The following DCLK1 variants were observed in gnomAD, a reference collection of about 807,000 sequenced individuals.
The protein encoded by DCLK1 is doublecortin like kinase 1.
A neutral mutation model predicts 86.2 loss-of-function variants in DCLK1; 16 were observed. That is an observed-to-expected ratio of 0.19 (90% CI 0.13 to 0.28). The LOEUF (loss-of-function observed/expected upper bound fraction) is 0.28, where lower values mean the gene tolerates loss of function less well. DCLK1 is among the 10% of genes least tolerant of loss of function. The pLI is 1.00. For synonymous variants in DCLK1, 369 were observed against 370.5 expected, an observed-to-expected ratio of 1.00 and a Z score of 0.05; for missense variants, 590 against 940.2, an observed-to-expected ratio of 0.63 and a Z score of 4.87.
chr13:35,847,844 A>G, intron 6 of DCLK1: 1 of 985,224 alleles, frequency 1.0e-6, no homozygotes, highest in African/African-American at 1.7e-5. Context: ...AGAGAACCTG[A>G]CACTTCTTAA....
chr13:36,103,674 C>T (rs1054555830), intron 3 of DCLK1, among the ~76,000 whole-genome samples: 6 of 152,096 alleles, frequency 3.9e-5, no homozygotes, highest in Admixed American at 1.3e-4. Flanking sequence ...ATTTCTGAAA[C>T]AGACTTCTTT....
chr13:36,090,212 G>T (rs182715197), intron 3 of DCLK1, among the ~76,000 whole-genome samples: 137 of 152,274 alleles, frequency 9.0e-4, no homozygotes, highest in Admixed American at 4.4e-3. Flanking sequence ...AGTTTTCTTT[G>T]GGTCTGGACA....
chr13:36,072,808 A>T (rs1403753288), intron 3 of DCLK1, among the ~76,000 whole-genome samples: 3 of 152,224 alleles, frequency 2.0e-5, no homozygotes. Flanking sequence ...ACAAAACCAC[A>T]GTAGTTATTT....
At chr13:36,116,040 C>T (rs2138198319) in intron 2 of DCLK1, among the ~76,000 whole-genome samples, 1 of 151,848 alleles carries the variant, frequency 6.6e-6, no homozygotes, top group East Asian at 1.9e-4. Context: ...ACCTCTGCCT[C>T]CTGAGTCCAA....
intron 3 of DCLK1, among the ~76,000 whole-genome samples, chr13:35,969,760 CT>C (rs1878977320): frequency 6.6e-6 from 1 of 152,094 alleles, no homozygotes; most frequent in Non-Finnish European, 1.5e-5. Context: ...GAGATAAATG[CT>C]TGTGTTCCCC....
At chr13:36,050,655 A>C (rs76420219) in intron 3 of DCLK1, among the ~76,000 whole-genome samples, 1,965 of 152,268 alleles carry the variant, frequency 0.013, 47 homozygotes, top group African/African-American at 0.045. Flanking sequence ...CCTTTATACC[A>C]AAGGATTAAC....
chr13:35,905,183 C>T (rs913799869), intron 4 of DCLK1, among the ~76,000 whole-genome samples: 1 of 152,134 alleles, frequency 6.6e-6, no homozygotes, highest in African/African-American at 2.4e-5. Context: ...CTTATGTTGC[C>T]TTGTGGTTAG....
At chr13:36,114,284 G>A (rs752449485) in intron 2 of DCLK1, among the ~76,000 whole-genome samples, 6 of 152,202 alleles carry the variant, frequency 3.9e-5, no homozygotes, top group Non-Finnish European at 7.3e-5. Context: ...CTGAGAAGGC[G>A]TTGCTGGTTT....
intron 3 of DCLK1, among the ~76,000 whole-genome samples, chr13:35,994,741 C>T (rs910517719): frequency 6.6e-6 from 1 of 152,196 alleles, no homozygotes; most frequent in African/African-American, 2.4e-5. Context: ...ATTCAGTCTT[C>T]AAATGTCTGG....
At chr13:36,118,249 C>A (rs1449064976) in intron 2 of DCLK1, among the ~76,000 whole-genome samples, 2 of 152,016 alleles carry the variant, frequency 1.3e-5, no homozygotes, top group Non-Finnish European at 2.9e-5. Flanking sequence ...AGAGAGAAGT[C>A]CAGATATCAC....
At chr13:36,074,577 T>G (rs1196889209) in intron 3 of DCLK1, among the ~76,000 whole-genome samples, 1 of 149,138 alleles carries the variant, frequency 6.7e-6, no homozygotes, top group African/African-American at 2.5e-5. Flanking sequence ...TTATCCGTTG[T>G]TGAATAAATC....
chr13:35,981,169 C>G (rs1237679009), intron 3 of DCLK1, among the ~76,000 whole-genome samples: 2 of 151,788 alleles, frequency 1.3e-5, no homozygotes, highest in East Asian at 3.9e-4. Context: ...CAGTTCTTAA[C>G]CAGGGGTTGG....
intron 4 of DCLK1, among the ~76,000 whole-genome samples, chr13:35,918,876 T>C (rs991678315): frequency 6.7e-6 from 1 of 148,236 alleles, no homozygotes; most frequent in South Asian, 2.2e-4. Flanking sequence ...CAAAAAGAAA[T>C]CTTCCTTCTG....
intron 5 of DCLK1, among the ~76,000 whole-genome samples, chr13:35,868,115 C>T (rs1444834065): frequency 6.6e-6 from 1 of 150,958 alleles, no homozygotes; most frequent in African/African-American, 2.4e-5. Flanking sequence ...CTCCACCTCC[C>T]GGGTTCACGC....
intron 4 of DCLK1, among the ~76,000 whole-genome samples, chr13:35,902,546 A>C (rs1351797440): frequency 6.6e-6 from 1 of 152,216 alleles, no homozygotes; most frequent in Admixed American, 6.5e-5. Flanking sequence ...ATTGTGAGAA[A>C]GAGAAAAGGG....
At chr13:35,909,760 C>T (rs1294873789) in intron 4 of DCLK1, among the ~76,000 whole-genome samples, 1 of 151,706 alleles carries the variant, frequency 6.6e-6, no homozygotes, top group East Asian at 1.9e-4. Context: ...ATTCAGGGGA[C>T]AAGGAGGCAT....
intron 15 of DCLK1, among the ~76,000 whole-genome samples, chr13:35,804,256 G>C (rs1446879062): frequency 6.6e-6 from 1 of 150,710 alleles, no homozygotes; most frequent in Non-Finnish European, 1.5e-5. Context: ...TCAGCCTCCC[G>C]AGTAGCTGGG....
intron 16 of DCLK1, among the ~76,000 whole-genome samples, chr13:35,792,250 A>G (rs960399515): frequency 5.3e-5 from 8 of 152,202 alleles, no homozygotes; most frequent in African/African-American, 1.9e-4. Context: ...TGCAAACAGT[A>G]CGAGGGTGTG....
intron 4 of DCLK1, among the ~76,000 whole-genome samples, chr13:35,899,816 C>T (rs950658467): frequency 2.0e-5 from 3 of 151,974 alleles, no homozygotes; most frequent in Admixed American, 1.3e-4. Flanking sequence ...GAAAAAATGG[C>T]ACATATAAAT....
Sources: allele counts gnomAD v4.1 joint callset (sites outside exome capture counted in the v4.1 genomes callset), GRCh38; gene constraint gnomAD v4.1.1; transcripts MANE v1.5; gene names NCBI Gene and HGNC (gene_info 2026-07-23, HGNC 2026-07-21).